Variants in CDH12 observed in about 807,000 individuals in gnomAD.
CDH12 encodes the protein cadherin-12.
CDH12 carries 41 observed loss-of-function variants against 74.1 expected under a neutral mutation model. The observed-to-expected ratio is 0.55, with a 90% CI of 0.43 to 0.72. CDH12 has a LOEUF of 0.72. CDH12 is among the 30% of genes least tolerant of loss of function. The pLI, the probability that CDH12 is intolerant of heterozygous loss-of-function variation, is 0.00. For missense variants in CDH12, 945 were observed against 977.2 expected, an observed-to-expected ratio of 0.97 and a Z score of 0.44; for synonymous variants, 399 against 355.0, an observed-to-expected ratio of 1.12 and a Z score of -1.39.
chr5:21,938,721 T>TAC (rs1195679332), intron 6 of CDH12, among the ~76,000 whole-genome samples: 2 of 110,290 alleles, frequency 1.8e-5, no homozygotes, highest in East Asian at 2.2e-4. Flanking sequence ...ATATATAATA[T>TAC]ACATATATAT....
Position 22,685,220 on chromosome 5 carries a change from G to A in CDH12, c.-523+167838C>T, listed in dbSNP as rs575274056. 4.5e-4 allele frequency among the ~76,000 whole-genome samples: 68 copies of A among 151,920 alleles called. No homozygotes were observed. In the South Asian group the frequency reaches 6.2e-3, roughly 14 times the overall value. ...CTATAATCCAATTTTAGACTATTTC[G>A]TCACCTCAACCCATATTCATACTTT... is the stretch of plus-strand genomic sequence containing the variant. On this transcript the variant is annotated intron_variant, in intron 1 of 14. Coordinates refer to ENST00000382254, the MANE Select transcript of CDH12 (RefSeq NM_004061.5).
intron 4 of CDH12, among the ~76,000 whole-genome samples, chr5:22,185,357 C>T (rs1278455078): frequency 6.6e-6 from 1 of 152,068 alleles, no homozygotes; most frequent in Non-Finnish European, 1.5e-5. Flanking sequence ...CACCTCCATG[C>T]CTGGCTAATT....
At chr5:22,777,823 AT>A (rs559975662) in intron 1 of CDH12, among the ~76,000 whole-genome samples, 76 of 151,792 alleles carry the variant, frequency 5.0e-4, no homozygotes, top group Middle Eastern at 3.4e-3. Context: ...ATATATCAAT[AT>A]TTTTTTTGAG....
At chr5:22,796,767 G>A (rs1465279207) in intron 1 of CDH12, among the ~76,000 whole-genome samples, 2 of 101,580 alleles carry the variant, frequency 2.0e-5, no homozygotes, top group Non-Finnish European at 3.8e-5. Context: ...TGATCCGCCC[G>A]CCTCGGCCTC....
intron 3 of CDH12, among the ~76,000 whole-genome samples, chr5:22,226,651 T>A (rs1752203881): frequency 6.6e-6 from 1 of 152,110 alleles, no homozygotes. Flanking sequence ...CAAATGGGTG[T>A]CCCATTATGC....
chr5:22,514,068 C>T (rs1736715217), intron 1 of CDH12, among the ~76,000 whole-genome samples: 1 of 150,048 alleles, frequency 6.7e-6, no homozygotes, highest in Non-Finnish European at 1.5e-5. Flanking sequence ...AAAATGATAG[C>T]AATATTATTA....
At chr5:22,758,119 C>T (rs141203248) in intron 1 of CDH12, among the ~76,000 whole-genome samples, 1 of 152,058 alleles carries the variant, frequency 6.6e-6, no homozygotes, top group Non-Finnish European at 1.5e-5. Context: ...TGCAGGCGGC[C>T]GATACCCATG....
chr5:22,584,389 T>C (rs1816137), intron 1 of CDH12, among the ~76,000 whole-genome samples: 102,306 of 152,184 alleles, frequency 0.67, 36,286 homozygotes, highest in African/African-American at 0.89. Flanking sequence ...TGTGAGCCAC[T>C]GCTCCTGGAA....
intron 3 of CDH12, among the ~76,000 whole-genome samples, chr5:22,338,464 A>T (rs1739686274): frequency 6.6e-6 from 1 of 152,094 alleles, no homozygotes; most frequent in South Asian, 2.1e-4. Flanking sequence ...GGAGATGGTT[A>T]ATGGGTACAA....
At chr5:22,806,351 CTTTTTT>C (rs35491823) in intron 1 of CDH12, among the ~76,000 whole-genome samples, 1 of 126,358 alleles carries the variant, frequency 7.9e-6, no homozygotes. Flanking sequence ...GATTGCCATT[CTTTTTT>C]TTTTTTTTTT....
chr5:22,822,899 T>A (rs1165819239), intron 1 of CDH12, among the ~76,000 whole-genome samples: 1 of 152,168 alleles, frequency 6.6e-6, no homozygotes, highest in Admixed American at 6.5e-5. Flanking sequence ...ACCCAAAGAA[T>A]TATAAATCAT....
At chr5:21,871,759 C>T (rs895168819) in intron 6 of CDH12, among the ~76,000 whole-genome samples, 12 of 151,988 alleles carry the variant, frequency 7.9e-5, no homozygotes, top group African/African-American at 2.2e-4. Context: ...AATGCAAATA[C>T]CTACATACTC....
At chr5:22,623,205 C>A (rs1450117815) in intron 1 of CDH12, among the ~76,000 whole-genome samples, 3 of 152,078 alleles carry the variant, frequency 2.0e-5, no homozygotes, top group Admixed American at 6.5e-5. Context: ...AAACCCACAG[C>A]CAATATCATA....
chr5:22,437,139 G>A (rs1261273), intron 2 of CDH12, among the ~76,000 whole-genome samples: 151,991 of 152,124 alleles, frequency 1, 75,930 homozygotes, highest in Middle Eastern at 1. Flanking sequence ...AATGTTTAAC[G>A]CATATTTTTT....
intron 1 of CDH12, among the ~76,000 whole-genome samples, chr5:22,767,740 T>C (rs1746596034): frequency 6.6e-6 from 1 of 151,996 alleles, no homozygotes; most frequent in African/African-American, 2.4e-5. Context: ...ACGAGTTCTT[T>C]CAAAATATAT....
intron 3 of CDH12, among the ~76,000 whole-genome samples, chr5:22,352,989 CA>C (rs1328286671): frequency 6.6e-6 from 1 of 152,064 alleles, no homozygotes; most frequent in Non-Finnish European, 1.5e-5. Context: ...GAGGCACTGC[CA>C]AAGATGAATA....
intron 6 of CDH12, among the ~76,000 whole-genome samples, chr5:21,933,418 C>A (rs1754934398): frequency 6.6e-6 from 1 of 151,942 alleles, no homozygotes; most frequent in Admixed American, 6.6e-5. Context: ...TTTTAGTATT[C>A]CAAAATGCAC....
At chr5:22,633,955 A>G (rs1191189317) in intron 1 of CDH12, among the ~76,000 whole-genome samples, 1 of 152,208 alleles carries the variant, frequency 6.6e-6, no homozygotes, top group African/African-American at 2.4e-5. Flanking sequence ...ATGAACAATT[A>G]TAATGTATAA....
chr5:22,653,952 T>C (rs182252425), intron 1 of CDH12, among the ~76,000 whole-genome samples: 1 of 152,272 alleles, frequency 6.6e-6, no homozygotes, highest in East Asian at 1.9e-4. Context: ...TGGGCACTTT[T>C]ATCTATTCTC....
Sources: allele counts gnomAD v4.1 joint callset (sites outside exome capture counted in the v4.1 genomes callset), GRCh38; gene constraint gnomAD v4.1.1; transcripts MANE v1.5; gene names NCBI Gene and HGNC (gene_info 2026-07-23, HGNC 2026-07-21).